The following DAB1 variants were observed in gnomAD, a reference collection of about 807,000 sequenced individuals.
The protein encoded by DAB1 is DAB adaptor protein 1.
DAB1 carries 15 observed loss-of-function variants against 64.6 expected under a neutral mutation model. The observed-to-expected ratio is 0.23, with a 90% confidence interval of 0.16 to 0.36. The LOEUF is 0.36. DAB1 is among the 10% of genes least tolerant of loss of function. The pLI, the probability that DAB1 is intolerant of heterozygous loss-of-function variation, is 1.00. For missense variants in DAB1, 596 were observed against 706.7 expected (o/e 0.84, Z 1.78); for synonymous variants, 235 against 251.9 (o/e 0.93, Z 0.64).
chr1:57,315,724 G>A (rs1298232286), intron 1 of DAB1, among the ~76,000 whole-genome samples: 2 of 152,098 alleles, frequency 1.3e-5, no homozygotes, highest in African/African-American at 4.8e-5. Flanking sequence ...GGATGGTCTC[G>A]ATCTCCTGAC....
chr1:58,025,276 C>A (rs1046764037), intron 5 of DAB1, among the ~76,000 whole-genome samples: 3 of 151,920 alleles, frequency 2.0e-5, no homozygotes, highest in Non-Finnish European at 1.5e-5. Flanking sequence ...AATCAGCTGG[C>A]CAGCTTTAAA....
chr1:57,213,354 A>T (rs1666177158), intron 2 of DAB1, among the ~76,000 whole-genome samples: 1 of 152,148 alleles, frequency 6.6e-6, no homozygotes, highest in Admixed American at 6.5e-5. Flanking sequence ...TGTACTACAC[A>T]TCTCAATTTC....
chr1:57,332,913 T>A (rs1359291388), intron 1 of DAB1, among the ~76,000 whole-genome samples: 2 of 152,188 alleles, frequency 1.3e-5, no homozygotes, highest in African/African-American at 4.8e-5. Context: ...TCCTCAAACA[T>A]CCCACACCGT....
At chr1:57,030,307 G>C (rs1159869448) in intron 9 of DAB1, among the ~76,000 whole-genome samples, 1 of 152,190 alleles carries the variant, frequency 6.6e-6, no homozygotes, top group Non-Finnish European at 1.5e-5. Context: ...TTTCTGTCCA[G>C]TCTTGGGTAT....
intron 10 of DAB1, 77 bp downstream of exon 10, chr1:57,025,904 C>G: frequency 8.3e-7 from 1 of 1,199,688 alleles, no homozygotes. Flanking sequence ...TCACTCAAAG[C>G]CCATATTCTG....
intron 2 of DAB1, among the ~76,000 whole-genome samples, chr1:57,249,049 T>A (rs1669120453): frequency 6.6e-6 from 1 of 152,200 alleles, no homozygotes; most frequent in South Asian, 2.1e-4. Context: ...CTATAAAGGT[T>A]TCACACAGTG....
intron 6 of DAB1, among the ~76,000 whole-genome samples, chr1:57,819,313 C>A (rs976299154): frequency 6.6e-6 from 1 of 152,148 alleles, no homozygotes. Context: ...AACATCCAGA[C>A]CTTTTGCTAT....
intron 1 of DAB1, among the ~76,000 whole-genome samples, chr1:57,835,426 G>A (rs1295231532): frequency 6.6e-6 from 1 of 152,114 alleles, no homozygotes; most frequent in Non-Finnish European, 1.5e-5. Flanking sequence ...ATATAACAAA[G>A]GAGACTTCTG....
chr1:57,375,085 C>T (rs751530187), intron 1 of DAB1, among the ~76,000 whole-genome samples: 4 of 152,152 alleles, frequency 2.6e-5, no homozygotes, highest in Non-Finnish European at 5.9e-5. Context: ...CAACCCTTCT[C>T]TCTGTCCCTG....
chr1:57,180,554 C>T (rs1220731712), intron 2 of DAB1, among the ~76,000 whole-genome samples: 1 of 152,106 alleles, frequency 6.6e-6, no homozygotes, highest in Admixed American at 6.5e-5. Context: ...TTTAAGGGGC[C>T]TCTGAAATCA....
chr1:57,628,617 A>C (rs201991420), intron 7 of DAB1, among the ~76,000 whole-genome samples: 4 of 152,156 alleles, frequency 2.6e-5, no homozygotes, highest in Non-Finnish European at 4.4e-5. Flanking sequence ...AAAATATCTA[A>C]CCTCTTTGGT....
At chr1:57,944,499 A>G (rs1645155623) in intron 5 of DAB1, among the ~76,000 whole-genome samples, 1 of 152,180 alleles carries the variant, frequency 6.6e-6, no homozygotes, top group African/African-American at 2.4e-5. Flanking sequence ...TCTGTGCTCA[A>G]TTAATAACTG....
chr1:58,175,583 CT>C (rs1215480433), intron 4 of DAB1, among the ~76,000 whole-genome samples: 1 of 152,186 alleles, frequency 6.6e-6, no homozygotes, highest in Non-Finnish European at 1.5e-5. Context: ...TGTTCATACT[CT>C]TTTTGCATGC....
chr1:57,371,114 C>T (rs892299382), intron 1 of DAB1, among the ~76,000 whole-genome samples: 2 of 152,322 alleles, frequency 1.3e-5, no homozygotes, highest in South Asian at 2.1e-4. Flanking sequence ...TAAAACAAAA[C>T]GATCCATTTC....
At chr1:57,397,785 T>A (rs1380665912) in intron 1 of DAB1, among the ~76,000 whole-genome samples, 1 of 152,256 alleles carries the variant, frequency 6.6e-6, no homozygotes, top group Middle Eastern at 3.2e-3. Context: ...CCCATCTCCT[T>A]CATAAGAACG....
intron 7 of DAB1, among the ~76,000 whole-genome samples, chr1:57,619,062 C>A (rs1263962723): frequency 2.6e-5 from 4 of 152,162 alleles, no homozygotes; most frequent in African/African-American, 9.7e-5. Context: ...TCTAAGCAAA[C>A]AATGTGCTCA....
At chr1:57,987,612 T>C (rs1240491843) in intron 5 of DAB1, among the ~76,000 whole-genome samples, 2 of 152,182 alleles carry the variant, frequency 1.3e-5, no homozygotes, top group East Asian at 3.9e-4. Context: ...TGTGATAAGC[T>C]ACCTTAAGAG....
At chr1:58,307,342 C>A (rs1372842576) in intron 4 of DAB1, among the ~76,000 whole-genome samples, 3 of 152,140 alleles carry the variant, frequency 2.0e-5, no homozygotes, top group African/African-American at 7.2e-5. Flanking sequence ...CCCTGCCCTT[C>A]AGAAGTTTAG....
chr1:58,203,577 G>A (rs1370018555), intron 4 of DAB1, among the ~76,000 whole-genome samples: 2 of 152,120 alleles, frequency 1.3e-5, no homozygotes, highest in Admixed American at 1.3e-4. Flanking sequence ...GAGAATCACT[G>A]GGAGACTTGT....
Sources: allele counts gnomAD v4.1 joint callset (sites outside exome capture counted in the v4.1 genomes callset), GRCh38; gene constraint gnomAD v4.1.1; transcripts MANE v1.5; gene names NCBI Gene and HGNC (gene_info 2026-07-23, HGNC 2026-07-21).